The following ARHGAP5 variants were observed in gnomAD, a reference collection of about 807,000 sequenced individuals.
ARHGAP5 encodes rho GTPase-activating protein 5.
In ARHGAP5, 23 loss-of-function variants were observed where a neutral mutation model predicts 116.6. That is an observed-to-expected ratio of 0.20 (90% confidence interval 0.14 to 0.28). The LOEUF is 0.28. Among genes scored for constraint, ARHGAP5 ranks in the 10% least tolerant of loss-of-function variants. The pLI is 1.00. For missense variants in ARHGAP5, 1,405 were observed against 1,774.8 expected, an observed-to-expected ratio of 0.79 and a Z score of 3.74; for synonymous variants, 574 against 602.0, an observed-to-expected ratio of 0.95 and a Z score of 0.68.
chr14:32,154,437 C>A (rs1881800091), intron 6 of ARHGAP5, 184 bp from the exon 7 acceptor site: 1 of 578,770 alleles, frequency 1.7e-6, no homozygotes, highest in East Asian at 3.0e-5. Context: ...GCGTGAGCCA[C>A]TGCACCTGGC....
At chr14:32,125,418 A>G (rs1337786961) in intron 3 of ARHGAP5, among the ~76,000 whole-genome samples, 1 of 152,170 alleles carries the variant, frequency 6.6e-6, no homozygotes, top group Non-Finnish European at 1.5e-5. Flanking sequence ...CCTTTTGGCT[A>G]TTGTGAACAG....
At chr14:32,118,980 C>A (rs1879744912) in intron 3 of ARHGAP5, among the ~76,000 whole-genome samples, 2 of 152,048 alleles carry the variant, frequency 1.3e-5, no homozygotes, top group Non-Finnish European at 2.9e-5. Context: ...TAGTCCAATT[C>A]TTAAAACAAC....
At chr14:32,090,365 C>G (rs1319461777) in intron 1 of ARHGAP5, 137 bp from the exon 2 acceptor site, 2 of 403,152 alleles carry the variant, frequency 5.0e-6, no homozygotes, top group Non-Finnish European at 8.7e-6. Flanking sequence ...AAATCATAAA[C>G]TGTTTATGTA....
intron 2 of ARHGAP5, among the ~76,000 whole-genome samples, chr14:32,104,818 A>G (rs1878936583): frequency 6.6e-6 from 1 of 152,154 alleles, no homozygotes; most frequent in Non-Finnish European, 1.5e-5. Context: ...ATATATCTGT[A>G]GCTATTTCCC....
chr14:32,101,322 ATATT>A (rs1484093106), intron 2 of ARHGAP5, among the ~76,000 whole-genome samples: 4 of 152,208 alleles, frequency 2.6e-5, no homozygotes, highest in Admixed American at 6.5e-5. Context: ...TAATATGTAT[ATATT>A]GAGTCACAAG....
At chr14:32,128,575 G>T (rs1013384837) in intron 3 of ARHGAP5, among the ~76,000 whole-genome samples, 1 of 152,244 alleles carries the variant, frequency 6.6e-6, no homozygotes. Context: ...CAGGATCTTG[G>T]CATTCCTTTT....
chr14:32,155,172 A>C lies in ARHGAP5; in HGVS notation c.*224A>C, dbSNP rs557101652. ...TTAATTTTTATAAACAAAAATAGCT[A>C]TAAAGTACAAAGCTGCTGCTGCATG... is the stretch of plus-strand genomic sequence containing the variant. On this transcript the variant is annotated 3_prime_UTR_variant, in exon 7 of 7. Transcript: ENST00000345122. The C allele has an allele frequency of 8.3e-5, 41 of 494,186 alleles. No individual in the cohort carries two copies. The South Asian group carries it at 1.2e-3, about 15-fold the overall frequency. The allele number at this position is 494,186 out of a possible 1,614,324, so 30.6% of individuals were successfully genotyped here.
chr14:32,142,095 G>A (rs1038022840), intron 3 of ARHGAP5, among the ~76,000 whole-genome samples: 5 of 151,894 alleles, frequency 3.3e-5, no homozygotes, highest in South Asian at 2.1e-4. Context: ...TCTTTTTAGC[G>A]TCTTTTTATA....
Position 32,077,445 on chromosome 14 carries a change from T to G in ARHGAP5, c.-169+10T>G. On this transcript the variant is annotated intron_variant, in intron 1 of 6. Coordinates refer to ENST00000345122, the MANE Select transcript of ARHGAP5 (RefSeq NM_001030055.2). ...AGACCGACGTTGTTAGGTAGGACCT[T>G]GCGGACCCCGCTCCTCCAAGCCTGC... 1 of 700,546 alleles carries G rather than the reference T, an allele frequency of 1.4e-6. No homozygotes were observed. The highest frequency in any genetic ancestry group is 2.6e-6 in the Non-Finnish European group (1 of 384,350). 43.4% of individuals were successfully genotyped at this position (700,546 alleles called of 1,614,324 possible).
At chr14:32,143,230 G>GTTA (rs1410461691) in intron 3 of ARHGAP5, among the ~76,000 whole-genome samples, 10 of 149,660 alleles carry the variant, frequency 6.7e-5, no homozygotes, top group African/African-American at 2.0e-4. Flanking sequence ...TGTTGTTGTT[G>GTTA]TTGTTGTTGT....
chr14:32,137,791 A>G lies in ARHGAP5; in HGVS notation c.3866-8472A>G, dbSNP rs140515363. Among the ~76,000 whole-genome samples the G allele has an allele frequency of 1.8e-3, 279 of 151,654 alleles. 1 individual carries two copies. The highest frequency in any genetic ancestry group is 6.5e-3 in the African/African-American group (268 of 41,380). ...GTTCGAGACCAGCCTGGCCAACATG[A>G]TGAAACCCCGTCTCTACTAAAAATA... On this transcript the variant is annotated intron_variant, in intron 3 of 6. Transcript: ENST00000345122.
At chr14:32,115,606 C>T (rs1039962198) in intron 2 of ARHGAP5, among the ~76,000 whole-genome samples, 5 of 143,484 alleles carry the variant, frequency 3.5e-5, no homozygotes, top group Non-Finnish European at 6.0e-5. Flanking sequence ...GCGGAGCTTG[C>T]AGTGAGCCGA....
chr14:32,087,642 A>G (rs1024081841), intron 1 of ARHGAP5, among the ~76,000 whole-genome samples: 12 of 151,836 alleles, frequency 7.9e-5, no homozygotes, highest in Non-Finnish European at 8.8e-5. Context: ...GAAAATCACT[A>G]TATGGTGACT....
rs1391930364 is a variant in ARHGAP5, at chr14:32,090,915, T to C, written c.246T>C (p.Ser82=). Residue 82 remains serine, a synonymous_variant, in exon 2 of 7, where the codon AGT becomes AGC. Transcript: ENST00000345122. ...FLYWGDIIQN[S]EDGVECKIHV... is the part of the protein sequence containing the mutation. ...ACTGGGGTGACATAATACAAAATAGTGAAGATGGAGTAGAATGCAAAATTC... is the reference window on the plus strand; with the variant it reads ...ACTGGGGTGACATAATACAAAATAGCGAAGATGGAGTAGAATGCAAAATTC... The C allele has an allele frequency of 6.2e-7, 1 of 1,613,504 alleles. No individual in the cohort carries two copies. The highest frequency in any genetic ancestry group is 1.3e-5 in the African/African-American group (1 of 74,892).
At chr14:32,113,994 C>T (rs555245141) in intron 2 of ARHGAP5, among the ~76,000 whole-genome samples, 31 of 152,188 alleles carry the variant, frequency 2.0e-4, no homozygotes, top group Admixed American at 1.8e-3. Flanking sequence ...TTTGGGAGGC[C>T]GAGGCGGGCA....
chr14:32,091,713 T>A lies in ARHGAP5; in HGVS notation c.1044T>A (p.Thr348=), dbSNP rs1878257144. The A allele has an allele frequency of 1.2e-6, 2 of 1,611,262 alleles. No homozygotes were observed. The highest frequency in any genetic ancestry group is 1.7e-5 in the Admixed American group (1 of 59,466). Reference sequence around the variant, plus strand: ...ATACTTTACCAAGAGCTTTTAACACTCTTTTGCCAAATCTAGAAGAGATTG... The same window carrying A: ...ATACTTTACCAAGAGCTTTTAACACACTTTTGCCAAATCTAGAAGAGATTG... The part of the protein sequence containing the change: ...YINTLPRAFN[T]LLPNLEEIEH... Residue 348 remains threonine, a synonymous_variant, in exon 2 of 7, where the codon ACT becomes ACA. Transcript: ENST00000345122.
rs138311354 is a variant in ARHGAP5 at position 32,136,754 on chromosome 14, A to G, written c.3866-9509A>G. On this transcript the variant is annotated intron_variant, in intron 3 of 6. Coordinates refer to ENST00000345122, the MANE Select transcript of ARHGAP5 (RefSeq NM_001030055.2). ...TGTACAGGTGTTTCATTTTCTCCAC[A>G]TCCTCACCAACACTTGCTGTTTTCC... Among the ~76,000 whole-genome samples the G allele has an allele frequency of 2.5e-4, 38 of 152,282 alleles. No individual in the cohort carries two copies. The East Asian group carries it at 6.8e-3, about 27-fold the overall frequency.
chr14:32,148,682 A>G (rs1881503617), intron 4 of ARHGAP5, among the ~76,000 whole-genome samples: 1 of 152,216 alleles, frequency 6.6e-6, no homozygotes, highest in Non-Finnish European at 1.5e-5. Flanking sequence ...AGCCATTAAA[A>G]TTGTTTATGT....
intron 3 of ARHGAP5, among the ~76,000 whole-genome samples, chr14:32,132,674 G>T (rs958915970): frequency 2.0e-5 from 3 of 151,656 alleles, no homozygotes; most frequent in African/African-American, 7.2e-5. Context: ...CCTATGTCCT[G>T]CATGGTAATG....
Sources: gnomAD v4.1 joint callset for allele counts (sites outside exome capture counted in the v4.1 genomes callset) on GRCh38, gnomAD v4.1.1 for gene constraint, MANE v1.5 for transcripts, NCBI Gene and HGNC (gene_info 2026-07-23, HGNC 2026-07-21) for gene names.